The following FBXL17 variants were observed in gnomAD, a reference collection of about 807,000 sequenced individuals.
FBXL17 encodes the protein F-box and leucine rich repeat protein 17, also known as F-box/LRR-repeat protein 17.
A neutral mutation model predicts 66.2 loss-of-function variants in FBXL17; 22 were observed. The observed-to-expected ratio is 0.33, with a 90% CI of 0.24 to 0.47. The LOEUF (loss-of-function observed/expected upper bound fraction) is 0.47. Among genes scored for constraint, FBXL17 ranks in the 20% least tolerant of loss-of-function variants. The pLI, the probability that FBXL17 is intolerant of heterozygous loss-of-function variation, is 1.00. For synonymous variants in FBXL17, 474 were observed against 400.5 expected, an observed-to-expected ratio of 1.18 and a Z score of -2.19; for missense variants, 878 against 948.2, an observed-to-expected ratio of 0.93 and a Z score of 0.97.
intron 6 of FBXL17, among the ~76,000 whole-genome samples, chr5:108,133,999 T>C (rs147857228): frequency 1.3e-5 from 2 of 152,202 alleles, no homozygotes; most frequent in Non-Finnish European, 2.9e-5. Flanking sequence ...ATTTAAGTAC[T>C]GGCAGTAAGG....
In FBXL17 at chr5:108,382,023, C is replaced by T. The variant is rs1047913583; in HGVS notation, c.-332G>A. 7.4e-6 allele frequency: 8 copies of T among 1,084,184 alleles called. No homozygotes were observed. Among genetic ancestry groups the T allele is most frequent in the Admixed American group, 4.9e-5 (1 of 20,210 alleles). 67.2% of individuals were successfully genotyped at this position (1,084,184 alleles called of 1,614,324 possible). On this transcript the variant is annotated 5_prime_UTR_variant, in exon 1 of 9. Transcript: ENST00000542267. ...CAGCCGGCTCAGTCAGTCAGCGGAG[C>T]GGCCGGGGAAAGGCCGGGTCCCGCT...
At chr5:108,038,987 A>G in intron 6 of FBXL17, among the ~76,000 whole-genome samples, 1 of 152,086 alleles carries the variant, frequency 6.6e-6, no homozygotes, top group East Asian at 1.9e-4. Flanking sequence ...GTAGAAGACT[A>G]GTGAATAAAT....
intron 5 of FBXL17, 94 bp downstream of exon 5, chr5:108,224,027 C>T (rs1487359426): frequency 2.0e-6 from 1 of 506,486 alleles, no homozygotes; most frequent in Non-Finnish European, 3.6e-6. Flanking sequence ...CTATAATGGT[C>T]TGACTGTCCC....
intron 6 of FBXL17, among the ~76,000 whole-genome samples, chr5:108,121,798 C>A (rs1750513046): frequency 6.6e-6 from 1 of 152,156 alleles, no homozygotes; most frequent in Non-Finnish European, 1.5e-5. Flanking sequence ...ACCTCGTGAT[C>A]CGCCTGCCTT....
At chr5:108,355,169 AAAT>A (rs1372988656) in intron 3 of FBXL17, among the ~76,000 whole-genome samples, 5 of 152,154 alleles carry the variant, frequency 3.3e-5, no homozygotes, top group South Asian at 2.1e-4. Context: ...AATTTCTTCA[AAAT>A]AATAATGATG....
At chr5:108,047,709 G>C (rs1580370062) in intron 6 of FBXL17, among the ~76,000 whole-genome samples, 1 of 152,122 alleles carries the variant, frequency 6.6e-6, no homozygotes, top group East Asian at 1.9e-4. Flanking sequence ...GCCTCATTCT[G>C]ACCCATCCTT....
At chr5:108,084,133 T>C (rs1264363020) in intron 6 of FBXL17, among the ~76,000 whole-genome samples, 2 of 152,196 alleles carry the variant, frequency 1.3e-5, no homozygotes, top group African/African-American at 2.4e-5. Flanking sequence ...AAGGTTAAAC[T>C]TCTAGCTTGT....
chr5:108,213,710 G>A (rs1754476019), intron 5 of FBXL17, among the ~76,000 whole-genome samples: 1 of 152,186 alleles, frequency 6.6e-6, no homozygotes, highest in Non-Finnish European at 1.5e-5. Flanking sequence ...GCTGGGAGCT[G>A]CAGACCAGAG....
chr5:108,223,630 T>C (rs1016352655), intron 5 of FBXL17, among the ~76,000 whole-genome samples: 5 of 152,166 alleles, frequency 3.3e-5, no homozygotes, highest in African/African-American at 9.7e-5. Context: ...AGTTTGATCA[T>C]TTCTAAAAAT....
At chr5:108,292,546 T>G (rs887320492) in intron 4 of FBXL17, among the ~76,000 whole-genome samples, 3 of 152,076 alleles carry the variant, frequency 2.0e-5, no homozygotes, top group African/African-American at 7.2e-5. Context: ...TAAAATCCCT[T>G]CTTTATTTTC....
intron 6 of FBXL17, among the ~76,000 whole-genome samples, chr5:108,044,489 A>G (rs891555125): frequency 1.3e-5 from 2 of 152,148 alleles, no homozygotes; most frequent in African/African-American, 4.8e-5. Flanking sequence ...AATCCCGGGA[A>G]TAAATTCCAG....
At chr5:108,312,436 G>A (rs1759168785) in intron 4 of FBXL17, among the ~76,000 whole-genome samples, 1 of 152,032 alleles carries the variant, frequency 6.6e-6, no homozygotes, top group Admixed American at 6.6e-5. Flanking sequence ...AGCCATTGCT[G>A]GAAGGCAGCC....
Position 108,044,571 on chromosome 5 carries a change from G to C in FBXL17, c.1746-23570C>G, listed in dbSNP as rs1013139277. 1.6e-4 allele frequency among the ~76,000 whole-genome samples: 24 copies of C among 152,108 alleles called. No individual in the cohort carries two copies. In the South Asian group the frequency reaches 4.8e-3, roughly 30 times the overall value. On this transcript the variant is annotated intron_variant, in intron 6 of 8. Transcript: ENST00000542267. ...GCTCACATTTGTAAAGGATTCATTG[G>C]GAACACTGTTCTACAGCTTTACTTC...
intron 7 of FBXL17, among the ~76,000 whole-genome samples, chr5:107,883,098 T>C (rs10073441): frequency 0.14 from 21,901 of 152,192 alleles, 1,970 homozygotes; most frequent in African/African-American, 0.23. Context: ...AAGCACCTCG[T>C]GAGCTCTAGA....
rs576094960 is a variant in FBXL17 at position 108,148,434 on chromosome 5, G to A, written c.1745+37683C>T. On this transcript the variant is annotated intron_variant, in intron 6 of 8. Coordinates refer to ENST00000542267, the MANE Select transcript of FBXL17 (RefSeq NM_001163315.3). Reference sequence around the variant, plus strand: ...TGCCTTGTAAAAATCTTCCCCTCGTGTCCCTTTAGCGGAGCCCCAAACCAT... The same window carrying A: ...TGCCTTGTAAAAATCTTCCCCTCGTATCCCTTTAGCGGAGCCCCAAACCAT... 3.9e-5 allele frequency among the ~76,000 whole-genome samples: 6 copies of A among 152,160 alleles called. No individual in the cohort carries two copies. The South Asian group carries it at 1.0e-3, about 26-fold the overall frequency.
In FBXL17 at chr5:108,220,668, G is replaced by C. The variant is rs140896415; in HGVS notation, c.1614+3453C>G. Among the ~76,000 whole-genome samples, 300 of 152,092 alleles carry C rather than the reference G, an allele frequency of 2.0e-3. 1 individual carries two copies. Among genetic ancestry groups the C allele is most frequent in the African/African-American group, 7.0e-3 (291 of 41,496 alleles). Reference sequence around the variant, plus strand: ...CCTTTTCAATGCTCAAAATATCCCAGCCTAAGTCAGTAGGAGCCATTTCAC... The same window carrying C: ...CCTTTTCAATGCTCAAAATATCCCACCCTAAGTCAGTAGGAGCCATTTCAC... On this transcript the variant is annotated intron_variant, in intron 5 of 8. Transcript: ENST00000542267.
intron 5 of FBXL17, among the ~76,000 whole-genome samples, chr5:108,203,789 T>C (rs1753997672): frequency 6.6e-6 from 1 of 152,156 alleles, no homozygotes; most frequent in Non-Finnish European, 1.5e-5. Flanking sequence ...AGAAAGTTAA[T>C]TTTTCATTTC....
intron 6 of FBXL17, among the ~76,000 whole-genome samples, chr5:108,070,452 A>C (rs186777932): frequency 5.9e-5 from 9 of 152,330 alleles, no homozygotes; most frequent in Non-Finnish European, 5.9e-5. Flanking sequence ...GAAAACCGAA[A>C]AATTATACTG....
chr5:108,239,554 AC>A (rs889858403), intron 4 of FBXL17, among the ~76,000 whole-genome samples: 1 of 152,184 alleles, frequency 6.6e-6, no homozygotes, highest in Non-Finnish European at 1.5e-5. Flanking sequence ...AGCAGTCAAA[AC>A]CTGAGTTTTG....
Sources: gnomAD v4.1 joint callset for allele counts (sites outside exome capture counted in the v4.1 genomes callset) on GRCh38, gnomAD v4.1.1 for gene constraint, MANE v1.5 for transcripts, NCBI Gene and HGNC (gene_info 2026-07-23, HGNC 2026-07-21) for gene names.